EPHA3: variants seen among roughly 807,000 people sequenced by gnomAD.
The protein encoded by EPHA3 is ephrin type-A receptor 3.
A neutral mutation model predicts 107.1 loss-of-function variants in EPHA3; 42 were observed. That is an observed-to-expected ratio of 0.39 (90% CI 0.31 to 0.51). The LOEUF is 0.51. EPHA3 is among the 20% of genes least tolerant of loss of function. EPHA3 has a pLI of 0.78. For missense variants in EPHA3, 1,183 were observed against 1,211.2 expected, an observed-to-expected ratio of 0.98 and a Z score of 0.35; for synonymous variants, 461 against 424.8, an observed-to-expected ratio of 1.09 and a Z score of -1.05.
chr3:89,179,310 G>T (rs1026371115), intron 2 of EPHA3, among the ~76,000 whole-genome samples: 1 of 152,040 alleles, frequency 6.6e-6, no homozygotes, highest in Non-Finnish European at 1.5e-5. Flanking sequence ...CATGGGAATG[G>T]AGTATAGATA....
At chr3:89,190,868 G>A (rs369128243) in intron 2 of EPHA3, among the ~76,000 whole-genome samples, 3 of 151,920 alleles carry the variant, frequency 2.0e-5, no homozygotes, top group African/African-American at 4.8e-5. Context: ...TAAGGCCTCC[G>A]TAGTATCGAA....
chr3:89,183,587 A>G (rs1576211455), intron 2 of EPHA3, among the ~76,000 whole-genome samples: 1 of 152,082 alleles, frequency 6.6e-6, no homozygotes, highest in East Asian at 1.9e-4. Flanking sequence ...CCCTACACAC[A>G]CACACATGGC....
At chr3:89,130,104 T>A (rs1164772609) in intron 2 of EPHA3, among the ~76,000 whole-genome samples, 1 of 152,172 alleles carries the variant, frequency 6.6e-6, no homozygotes, top group Non-Finnish European at 1.5e-5. Context: ...TATTTGGCAA[T>A]GTTTGAAGAC....
chr3:89,226,576 C>G (rs964961062), intron 3 of EPHA3, among the ~76,000 whole-genome samples: 1 of 152,004 alleles, frequency 6.6e-6, no homozygotes, highest in African/African-American at 2.4e-5. Context: ...AAGAGCTCTT[C>G]AATTTTTAAT....
intron 2 of EPHA3, among the ~76,000 whole-genome samples, chr3:89,208,483 A>AAAGAAAGG (rs775843955): frequency 7.0e-6 from 1 of 142,584 alleles, no homozygotes; most frequent in African/African-American, 2.7e-5. Context: ...AGAAAGAAAG[A>AAAGAAAGG]GAAAAAGAAA....
chr3:89,319,264 T>C (rs1227463002), intron 3 of EPHA3, among the ~76,000 whole-genome samples: 1 of 151,968 alleles, frequency 6.6e-6, no homozygotes, highest in Non-Finnish European at 1.5e-5. Flanking sequence ...CAGAGACTTA[T>C]ATCATGCCAT....
At chr3:89,203,463 C>T (rs1706023189) in intron 2 of EPHA3, among the ~76,000 whole-genome samples, 1 of 151,950 alleles carries the variant, frequency 6.6e-6, no homozygotes, top group Non-Finnish European at 1.5e-5. Flanking sequence ...CCCTGAATCC[C>T]AGCTGGGAGA....
rs142035241 is a variant in EPHA3, at chr3:89,290,092, C to T, written c.815-50824C>T. Among the ~76,000 whole-genome samples the T allele has an allele frequency of 2.8e-4, 43 of 152,222 alleles. No individual in the cohort carries two copies. The East Asian group carries it at 8.3e-3, about 29-fold the overall frequency. ...CAAACTGTGAGGCTGCCAACAGCTTCTTGTTGGACGGTTCTTCTGTTGTGG... is the reference window on the plus strand; with the variant it reads ...CAAACTGTGAGGCTGCCAACAGCTTTTTGTTGGACGGTTCTTCTGTTGTGG... On this transcript the variant is annotated intron_variant, in intron 3 of 16. Coordinates refer to ENST00000336596, the MANE Select transcript of EPHA3 (RefSeq NM_005233.6).
chr3:89,384,678 G>C (rs1378979002), intron 5 of EPHA3, among the ~76,000 whole-genome samples: 5 of 152,084 alleles, frequency 3.3e-5, no homozygotes, highest in African/African-American at 1.2e-4. Flanking sequence ...AAAAAAGAAA[G>C]AATGTCATAG....
intron 6 of EPHA3, among the ~76,000 whole-genome samples, chr3:89,398,776 G>C (rs1199504345): frequency 6.6e-6 from 1 of 152,212 alleles, no homozygotes; most frequent in African/African-American, 2.4e-5. Context: ...TGCTTTACAT[G>C]CAGGACAGAA....
intron 9 of EPHA3, 92 bp from the exon 10 acceptor site, chr3:89,413,049 A>AT (rs1413302782): frequency 1.9e-6 from 3 of 1,545,530 alleles, no homozygotes; most frequent in African/African-American, 1.4e-5. Flanking sequence ...TGGGGTAGGG[A>AT]TTTTTTTAAA....
intron 11 of EPHA3, among the ~76,000 whole-genome samples, chr3:89,428,038 A>G (rs1459102722): frequency 6.6e-6 from 1 of 152,016 alleles, no homozygotes; most frequent in Non-Finnish European, 1.5e-5. Context: ...TCTTAAGGTC[A>G]TCATTTTAAT....
intron 9 of EPHA3, among the ~76,000 whole-genome samples, chr3:89,412,576 A>T (rs1298421128): frequency 6.6e-6 from 1 of 151,702 alleles, no homozygotes; most frequent in Non-Finnish European, 1.5e-5. Flanking sequence ...AACAGCTTAA[A>T]GTAGATTTGT....
intron 2 of EPHA3, among the ~76,000 whole-genome samples, chr3:89,198,501 G>A (rs915507919): frequency 2.0e-5 from 3 of 151,972 alleles, no homozygotes; most frequent in African/African-American, 4.8e-5. Context: ...GATACTCAAC[G>A]GATAAAAGAT....
At chr3:89,400,511 T>G (rs989285162) in intron 7 of EPHA3, among the ~76,000 whole-genome samples, 2 of 152,076 alleles carry the variant, frequency 1.3e-5, no homozygotes, top group Non-Finnish European at 2.9e-5. Flanking sequence ...GCTAGGATTA[T>G]AGGCGTGAGC....
chr3:89,258,447 C>T (rs1397574949), intron 3 of EPHA3, among the ~76,000 whole-genome samples: 2 of 152,054 alleles, frequency 1.3e-5, no homozygotes, highest in Non-Finnish European at 2.9e-5. Context: ...ACAAATTTCC[C>T]TATTGTTAGA....
At chr3:89,350,829 T>C (rs2107441059) in intron 5 of EPHA3, among the ~76,000 whole-genome samples, 1 of 151,298 alleles carries the variant, frequency 6.6e-6, no homozygotes, top group Admixed American at 6.6e-5. Context: ...TAGTTTTCCT[T>C]CTAACAGACA....
intron 3 of EPHA3, among the ~76,000 whole-genome samples, chr3:89,239,036 C>T (rs1413453713): frequency 6.6e-6 from 1 of 152,146 alleles, no homozygotes; most frequent in East Asian, 1.9e-4. Context: ...TGGCCACATT[C>T]CCATGCTCAA....
chr3:89,252,036 T>A (rs1461477695), intron 3 of EPHA3, among the ~76,000 whole-genome samples: 1 of 152,120 alleles, frequency 6.6e-6, no homozygotes, highest in Non-Finnish European at 1.5e-5. Context: ...TTACTACGAG[T>A]CTTAGTTTCT....
Sources: allele counts gnomAD v4.1 joint callset (sites outside exome capture counted in the v4.1 genomes callset), GRCh38; gene constraint gnomAD v4.1.1; transcripts MANE v1.5; gene names NCBI Gene and HGNC (gene_info 2026-07-23, HGNC 2026-07-21).